CEP63: variants seen among roughly 807,000 people sequenced by gnomAD.
CEP63 encodes the protein centrosomal protein of 63 kDa.
A neutral mutation model predicts 89.1 loss-of-function variants in CEP63; 84 were observed. That is an observed-to-expected ratio of 0.94 (90% confidence interval 0.79 to 1.13). CEP63 has a LOEUF of 1.13. Ranked by LOEUF, CEP63 falls within the 50% of genes most tolerant of loss-of-function variation. The probability of loss-of-function intolerance (pLI) is 0.00; values close to 1 mark genes in which losing one functional copy is unlikely to be tolerated. For synonymous variants in CEP63, 267 were observed against 272.5 expected (o/e 0.98, Z 0.20); for missense variants, 838 against 813.3 (o/e 1.03, Z -0.37).
At chr3:134,777,894 T>C in the CEP63 span, among the ~76,000 whole-genome samples, 1 of 151,364 alleles carries the variant, frequency 6.6e-6, no homozygotes, top group Non-Finnish European at 1.5e-5. Context: ...GGATTACAGA[T>C]GTGAGCCACC....
intron 7 of CEP63, 89 bp downstream of exon 7, chr3:134,545,908 C>T: frequency 3.0e-6 from 3 of 1,004,244 alleles, no homozygotes; most frequent in Non-Finnish European, 4.5e-6. Context: ...TTCTACAATC[C>T]ATACTTTCTT....
chr3:134,550,994 T>TC (rs1954700754), intron 11 of CEP63, among the ~76,000 whole-genome samples: 1 of 152,180 alleles, frequency 6.6e-6, no homozygotes, highest in South Asian at 2.1e-4. Context: ...GGAATGGTGC[T>TC]CCACAGGATT....
intron 11 of CEP63, among the ~76,000 whole-genome samples, chr3:134,573,590 A>G (rs1958103877): frequency 6.6e-6 from 1 of 152,082 alleles, no homozygotes; most frequent in Non-Finnish European, 1.5e-5. Context: ...TGAGTTTTCT[A>G]TTCTATTCCA....
At chr3:134,700,298 C>G in the CEP63 span, among the ~76,000 whole-genome samples, 1 of 152,352 alleles carries the variant, frequency 6.6e-6, no homozygotes, top group East Asian at 1.9e-4. Context: ...TCCCCTGAAC[C>G]ACTTAATGGG....
chr3:134,743,730 T>G, the CEP63 span, among the ~76,000 whole-genome samples: 1 of 152,138 alleles, frequency 6.6e-6, no homozygotes, highest in Admixed American at 6.5e-5. Flanking sequence ...AAGCTAAGCA[T>G]ATCTGCTTCA....
the CEP63 span, among the ~76,000 whole-genome samples, chr3:134,597,429 C>T: frequency 2.0e-5 from 3 of 152,170 alleles, no homozygotes; most frequent in African/African-American, 4.8e-5. Flanking sequence ...AGAACCCTCA[C>T]CCAGTCTTTC....
chr3:134,493,145 G>A (rs1271304558), intron 1 of CEP63, among the ~76,000 whole-genome samples: 3 of 152,108 alleles, frequency 2.0e-5, no homozygotes, highest in African/African-American at 7.2e-5. Context: ...AATAAGAATA[G>A]CACTTTCCTA....
chr3:134,597,095 G>A, the CEP63 span, among the ~76,000 whole-genome samples: 1 of 152,202 alleles, frequency 6.6e-6, no homozygotes, highest in Non-Finnish European at 1.5e-5. Context: ...AGTGGAGAAA[G>A]CAGTGTGAGG....
At chr3:134,540,853 C>T (rs370388819) in intron 6 of CEP63, among the ~76,000 whole-genome samples, 49 of 149,876 alleles carry the variant, frequency 3.3e-4, no homozygotes, top group African/African-American at 1.1e-3. Flanking sequence ...GGCCTGATCT[C>T]GGCTGACTGC....
the CEP63 span, among the ~76,000 whole-genome samples, chr3:134,765,125 T>C: frequency 2.6e-5 from 4 of 152,230 alleles, no homozygotes; most frequent in African/African-American, 9.6e-5. Context: ...TAAGAGGTTC[T>C]CAGATGATGT....
chr3:134,759,574 G>A, the CEP63 span, among the ~76,000 whole-genome samples: 2 of 152,144 alleles, frequency 1.3e-5, no homozygotes, highest in African/African-American at 4.8e-5. Context: ...GTAGAGCTAT[G>A]GTGTGGAAAG....
chr3:134,513,555 G>A (rs1206779170), intron 3 of CEP63, among the ~76,000 whole-genome samples: 3 of 152,132 alleles, frequency 2.0e-5, no homozygotes, highest in Admixed American at 2.0e-4. Context: ...CTGGGCAAGC[G>A]GTTCAGGGAG....
At chr3:134,653,245 C>T in the CEP63 span, among the ~76,000 whole-genome samples, 64 of 152,204 alleles carry the variant, frequency 4.2e-4, no homozygotes, top group Non-Finnish European at 3.1e-4. Flanking sequence ...CTGGCCTCTA[C>T]GCATTAGATG....
chr3:134,676,366 T>A, the CEP63 span, among the ~76,000 whole-genome samples: 1 of 152,082 alleles, frequency 6.6e-6, no homozygotes, highest in African/African-American at 2.4e-5. Context: ...TTGTATGAAA[T>A]GTACAGAATG....
intron 3 of CEP63, among the ~76,000 whole-genome samples, chr3:134,515,397 A>G (rs1945996786): frequency 6.6e-6 from 1 of 152,244 alleles, no homozygotes; most frequent in Admixed American, 6.5e-5. Context: ...ACTGGATCAG[A>G]TAAACAAATG....
At chr3:134,762,530 A>T in the CEP63 span, among the ~76,000 whole-genome samples, 2 of 152,112 alleles carry the variant, frequency 1.3e-5, no homozygotes, top group African/African-American at 2.4e-5. Flanking sequence ...AAATGAGTTC[A>T]CTAGTAAGAG....
At chr3:134,687,216 T>C in the CEP63 span, among the ~76,000 whole-genome samples, 1 of 152,186 alleles carries the variant, frequency 6.6e-6, no homozygotes, top group East Asian at 1.9e-4. Flanking sequence ...ATGGAGAAAT[T>C]CTCAATACAC....
chr3:134,715,515 G>GTTTTTT, the CEP63 span, among the ~76,000 whole-genome samples: 1 of 146,366 alleles, frequency 6.8e-6, no homozygotes, highest in African/African-American at 2.6e-5. Flanking sequence ...GCCAGGAAAG[G>GTTTTTT]TTTTTTTTTT....
chr3:134,736,655 A>G, the CEP63 span, among the ~76,000 whole-genome samples: 1 of 150,954 alleles, frequency 6.6e-6, no homozygotes, highest in East Asian at 1.9e-4. Context: ...AAAAACATTG[A>G]AAGGTTCCTG....
Sources: gnomAD v4.1 joint callset for allele counts (sites outside exome capture counted in the v4.1 genomes callset) on GRCh38, gnomAD v4.1.1 for gene constraint, MANE v1.5 for transcripts, NCBI Gene and HGNC (gene_info 2026-07-23, HGNC 2026-07-21) for gene names.